VEPH1: variants seen among roughly 807,000 people sequenced by gnomAD.
VEPH1 encodes ventricular zone-expressed PH domain-containing protein homolog 1.
In VEPH1, 80 loss-of-function variants were observed where a neutral mutation model predicts 85.2. The ratio of observed to expected loss-of-function variants is 0.94; its 90% CI spans 0.78 to 1.13. The LOEUF (loss-of-function observed/expected upper bound fraction) is 1.13. Among genes scored for constraint, VEPH1 ranks in the 50% most tolerant of loss-of-function variants. VEPH1 has a pLI of 0.00. For missense variants in VEPH1, 955 were observed against 980.5 expected (o/e 0.97, Z 0.35); for synonymous variants, 297 against 348.0 (o/e 0.85, Z 1.63).
chr3:157,342,004 C>G (rs1004839410), intron 9 of VEPH1, among the ~76,000 whole-genome samples: 10 of 152,178 alleles, frequency 6.6e-5, no homozygotes, highest in African/African-American at 2.2e-4. Flanking sequence ...CAGGCCTGCC[C>G]TACAAGAGCT....
intron 9 of VEPH1, among the ~76,000 whole-genome samples, chr3:157,328,417 G>C (rs1379776850): frequency 1.3e-5 from 2 of 152,306 alleles, no homozygotes; most frequent in South Asian, 2.1e-4. Flanking sequence ...ACTGCATAAT[G>C]ACCCTTGGCA....
chr3:157,437,687 C>T (rs1430639564), intron 4 of VEPH1: 7 of 1,533,846 alleles, frequency 4.6e-6, no homozygotes, highest in Non-Finnish European at 6.1e-6. Flanking sequence ...CTGGCGAGGC[C>T]GTGCGCGCCG....
chr3:157,490,484 G>A (rs1739128862), intron 2 of VEPH1, among the ~76,000 whole-genome samples: 1 of 151,522 alleles, frequency 6.6e-6, no homozygotes, highest in Non-Finnish European at 1.5e-5. Flanking sequence ...TCCTTCAGAG[G>A]AAAACAAATG....
intron 10 of VEPH1, among the ~76,000 whole-genome samples, chr3:157,316,633 A>G (rs1306052946): frequency 6.6e-6 from 1 of 151,838 alleles, no homozygotes; most frequent in Non-Finnish European, 1.5e-5. Flanking sequence ...ACCTATGTAC[A>G]TATATTCTAT....
chr3:157,453,159 C>T (rs546274502), intron 4 of VEPH1, among the ~76,000 whole-genome samples: 17 of 152,270 alleles, frequency 1.1e-4, no homozygotes, highest in Admixed American at 7.2e-4. Flanking sequence ...CTACACCAAT[C>T]GCAAAAGTAA....
At chr3:157,334,153 T>C (rs530585915) in intron 9 of VEPH1, among the ~76,000 whole-genome samples, 39 of 152,322 alleles carry the variant, frequency 2.6e-4, no homozygotes, top group African/African-American at 9.4e-4. Context: ...AGCCTGACTT[T>C]CCTAAGATGC....
chr3:157,317,462 C>T (rs1269299734), intron 9 of VEPH1, among the ~76,000 whole-genome samples: 1 of 152,178 alleles, frequency 6.6e-6, no homozygotes, highest in Non-Finnish European at 1.5e-5. Flanking sequence ...AAAACCCTCT[C>T]ACCAATAAAA....
In VEPH1 at chr3:157,368,043, G is replaced by A. The variant is rs78598699; in HGVS notation, c.1128-3531C>T. ...ATTTATGGAAATCCTTCTTTTGTTT[G>A]TTGTACTCTTTATATCAGTTTCACC... On this transcript the variant is annotated intron_variant, in intron 7 of 13. Transcript: ENST00000362010. 2.8e-3 allele frequency among the ~76,000 whole-genome samples: 423 copies of A among 152,190 alleles called. 4 individuals carry two copies. The highest frequency in any genetic ancestry group is 0.024 in the East Asian group (126 of 5,182).
chr3:157,272,439 C>CTTTT (rs57426607), intron 12 of VEPH1, among the ~76,000 whole-genome samples: 1 of 122,290 alleles, frequency 8.2e-6, no homozygotes, highest in Non-Finnish European at 1.7e-5. Context: ...TTCTTTCTTT[C>CTTTT]CTTCTCTCTC....
At chr3:157,492,762 T>C (rs1366553325) in intron 2 of VEPH1, among the ~76,000 whole-genome samples, 3 of 152,036 alleles carry the variant, frequency 2.0e-5, no homozygotes, top group Non-Finnish European at 4.4e-5. Context: ...GGTTCTTTGA[T>C]CATAAGCAAC....
In VEPH1 at chr3:157,460,355, T is replaced by A. The variant is rs562279963; in HGVS notation, c.355A>T (p.Asn119Tyr). The A allele has an allele frequency of 1.2e-6, 2 of 1,603,924 alleles. No individual in the cohort carries two copies. The highest frequency in any genetic ancestry group is 4.5e-5 in the East Asian group (2 of 44,694). ...GCCATCACTGGGGGTCGGTTGTAAT[T>A]CTGAGGAAATATAAGAAAGCCACAA... ...ASDIMSCILQ[N>Y]YNRPPVMALA... The change falls in exon 4 of 14, where the codon AAT becomes TAT. Residue 119 changes from asparagine (N) to tyrosine (Y), a missense_variant and splice_region_variant. Transcript: ENST00000362010.
chr3:157,392,830 C>A (rs1335737025), intron 6 of VEPH1, among the ~76,000 whole-genome samples: 1 of 152,182 alleles, frequency 6.6e-6, no homozygotes, highest in East Asian at 1.9e-4. Flanking sequence ...AGTTCGGCGG[C>A]AGATACTTTT....
chr3:157,315,311 A>G (rs531649307), intron 10 of VEPH1, among the ~76,000 whole-genome samples: 1 of 152,248 alleles, frequency 6.6e-6, no homozygotes, highest in African/African-American at 2.4e-5. Context: ...CCACAGATTT[A>G]AAAAGTTTAA....
intron 11 of VEPH1, among the ~76,000 whole-genome samples, chr3:157,289,836 A>G (rs1242416804): frequency 1.3e-5 from 2 of 152,202 alleles, no homozygotes; most frequent in Non-Finnish European, 2.9e-5. Flanking sequence ...TCTAACTGTA[A>G]GTCACTGTCT....
chr3:157,381,443 G>T, intron 6 of VEPH1, 67 bp from the exon 7 acceptor site: 1 of 1,529,330 alleles, frequency 6.5e-7, no homozygotes, highest in Non-Finnish European at 9.0e-7. Context: ...TGGTGGTCAT[G>T]CCTGTAATCC....
In VEPH1 at chr3:157,317,011, C is replaced by A. The variant is rs1045597903; in HGVS notation, c.1875+51G>T. 4 of 1,557,332 alleles carry A rather than the reference C, an allele frequency of 2.6e-6. No homozygotes were observed. The East Asian group carries it at 6.8e-5, about 27-fold the overall frequency. ...TAATTCAATAAAAATGATTATAAGC[C>A]CATATCCCAGAAGCTCATTAAAGAG... On this transcript the variant is annotated intron_variant, in intron 10 of 13. Transcript: ENST00000362010.
intron 4 of VEPH1, among the ~76,000 whole-genome samples, chr3:157,453,348 T>C (rs1456870211): frequency 6.6e-6 from 1 of 152,186 alleles, no homozygotes; most frequent in Non-Finnish European, 1.5e-5. Flanking sequence ...TTTACATCTG[T>C]AGGTTTCTGT....
chr3:157,375,869 CAA>C (rs199950189), intron 7 of VEPH1, among the ~76,000 whole-genome samples: 1 of 151,792 alleles, frequency 6.6e-6, no homozygotes, highest in Non-Finnish European at 1.5e-5. Flanking sequence ...ACCAAAACAA[CAA>C]AAAAAACGCA....
chr3:157,459,782 A>G (rs1233882672), intron 4 of VEPH1: 5 of 1,473,734 alleles, frequency 3.4e-6, no homozygotes, highest in Non-Finnish European at 4.5e-6. Flanking sequence ...TATCTAACAA[A>G]AGACATTTCT....
Sources: allele counts gnomAD v4.1 joint callset (sites outside exome capture counted in the v4.1 genomes callset), GRCh38; gene constraint gnomAD v4.1.1; transcripts MANE v1.5; gene names NCBI Gene and HGNC (gene_info 2026-07-23, HGNC 2026-07-21).